The following MCMDC2 variants were observed in gnomAD, a reference collection of about 807,000 sequenced individuals.
MCMDC2 encodes minichromosome maintenance domain-containing protein 2.
Under a neutral mutation model 75.8 loss-of-function variants are expected in MCMDC2, and 54 were observed. The ratio of observed to expected loss-of-function variants is 0.71; its 90% CI spans 0.57 to 0.89. The LOEUF is 0.89. Ranked by LOEUF, MCMDC2 falls within the 40% of genes least tolerant of loss-of-function variation. The pLI is 0.00. For missense variants in MCMDC2, 656 were observed against 780.4 expected (o/e 0.84, Z 1.90); for synonymous variants, 249 against 274.6 (o/e 0.91, Z 0.92).
rs1812079111 is a variant in MCMDC2 at position 66,890,950 on chromosome 8, A to G, written c.1159A>G (p.Lys387Glu). The G allele has an allele frequency of 4.3e-6, 7 of 1,613,890 alleles. No homozygotes were observed. The highest frequency in any genetic ancestry group is 1.3e-5 in the African/African-American group (1 of 75,020). ...AATTTTTCCCACTCTATCCAGGAAT[A>G]AGTATGGAACTGGAGCAGTTAGCAT... Reference protein sequence around the residue: ...TEIFPTLSRNKYGTGAVSIQA... With the variant: ...TEIFPTLSRNEYGTGAVSIQA... Residue 387 changes from lysine to glutamate, a missense_variant, in exon 10 of 15, where the codon AAG becomes GAG. By Grantham distance (56) the Lys-to-Glu change is moderately conservative (BLOSUM62 1). Transcript: ENST00000422365.
At chr8:66,903,288 T>C (rs1812780498) in intron 13 of MCMDC2, among the ~76,000 whole-genome samples, 1 of 152,222 alleles carries the variant, frequency 6.6e-6, no homozygotes, top group Non-Finnish European at 1.5e-5. Context: ...AAGATAAATA[T>C]ACAGTTGGGG....
rs1813551996 is a variant in MCMDC2, at chr8:66,921,929, T to C, written c.*2760T>C. ...TAGTGACTATGAGAATGGAGCTATT[T>C]AGAGTTGATTTAAAAGAAAACACTT... is the stretch of plus-strand genomic sequence containing the variant. On this transcript the variant is annotated 3_prime_UTR_variant, in exon 15 of 15. Coordinates refer to ENST00000422365, the MANE Select transcript of MCMDC2 (RefSeq NM_173518.5). The C allele has an allele frequency of 6.6e-6, 1 of 152,640 alleles. No individual in the cohort carries two copies. The highest frequency in any genetic ancestry group is 2.4e-5 in the African/African-American group (1 of 41,470). The allele number at this position is 152,640 out of a possible 1,614,324, so 9.5% of individuals were successfully genotyped here. A position where few individuals can be genotyped will look rare whatever the true frequency, so the allele number is the denominator to read the frequency against.
chr8:66,904,867 T>C (rs1173719624), intron 13 of MCMDC2, among the ~76,000 whole-genome samples: 1 of 152,146 alleles, frequency 6.6e-6, no homozygotes, highest in Non-Finnish European at 1.5e-5. Context: ...TGCAAATCTA[T>C]GAGGATTTTA....
At chr8:66,890,514 G>A (rs928670394) in intron 9 of MCMDC2, among the ~76,000 whole-genome samples, 5 of 152,064 alleles carry the variant, frequency 3.3e-5, no homozygotes, top group African/African-American at 1.2e-4. Flanking sequence ...TAAGGTCCAA[G>A]TCTCGTATAC....
chr8:66,882,121 A>G (rs1811602969), intron 8 of MCMDC2, among the ~76,000 whole-genome samples: 1 of 152,142 alleles, frequency 6.6e-6, no homozygotes, highest in Non-Finnish European at 1.5e-5. Context: ...TTACCCCCAG[A>G]CCCAGGAATT....
At chr8:66,912,333 T>G (rs1813150694) in intron 14 of MCMDC2, among the ~76,000 whole-genome samples, 1 of 152,228 alleles carries the variant, frequency 6.6e-6, no homozygotes, top group African/African-American at 2.4e-5. Flanking sequence ...GAGAAGTTGC[T>G]TCTTATGGAT....
rs1813542425 is a variant in MCMDC2, at chr8:66,921,757, C to T, written c.*2588C>T. On this transcript the variant is annotated 3_prime_UTR_variant, in exon 15 of 15. Transcript: ENST00000422365. ...AAGATTCAACCACCTGGTACAACAG[C>T]AGGCTCTGAAGGGGAAGCCAGACAG... 1 of 152,212 alleles carries T rather than the reference C, an allele frequency of 6.6e-6. No individual in the cohort carries two copies. The highest frequency in any genetic ancestry group is 1.5e-5 in the Non-Finnish European group (1 of 68,040). 9.4% of individuals were successfully genotyped at this position (152,212 alleles called of 1,614,324 possible).
intron 10 of MCMDC2, among the ~76,000 whole-genome samples, chr8:66,894,423 G>A (rs1195395960): frequency 6.6e-6 from 1 of 152,206 alleles, no homozygotes; most frequent in Non-Finnish European, 1.5e-5. Context: ...CAAATCCATA[G>A]TTCCTTGTCT....
At chr8:66,874,729 T>C in intron 4 of MCMDC2, 143 bp downstream of exon 4, 1 of 711,962 alleles carries the variant, frequency 1.4e-6, no homozygotes, top group East Asian at 2.8e-5. Context: ...CATAGGCATC[T>C]TTATTTCTTG....
At chr8:66,924,684 C>T (rs1175623934), downstream of MCMDC2, among the ~76,000 whole-genome samples, 2 of 152,016 alleles carry the variant, frequency 1.3e-5, no homozygotes, top group African/African-American at 2.4e-5. Context: ...TTCCCAGCCT[C>T]CCAGTTGCTG....
rs1416600535 is a variant in MCMDC2, at chr8:66,920,771, CAAGT to C, written c.*1605_*1608del. ...TCAGCTCCCTGCAGCCTTGACCTTG[CAAGT>C]AATTCTCCCACCTTAGGCCTCCGAG... On this transcript the variant is annotated 3_prime_UTR_variant, in exon 15 of 15. Transcript: ENST00000422365. 1 of 152,202 alleles carries C rather than the reference CAAGT, an allele frequency of 6.6e-6. No homozygotes were observed. Among genetic ancestry groups the C allele is most frequent in the Admixed American group, 6.6e-5 (1 of 15,266 alleles). 9.4% of individuals were successfully genotyped at this position (152,202 alleles called of 1,614,324 possible).
At position 66,920,686 on chromosome 8, in the gene MCMDC2, T is replaced by C. The variant is rs1427626245; in HGVS notation, c.*1517T>C. 6.6e-6 allele frequency: 1 copy of C among 152,082 alleles called. No individual in the cohort carries two copies. Among genetic ancestry groups the C allele is most frequent in the Non-Finnish European group, 1.5e-5 (1 of 68,038 alleles). The allele number at this position is 152,082 out of a possible 1,614,324, so 9.4% of individuals were successfully genotyped here. ...TAGGATCCTTTTACAATTGGAAAGT[T>C]TAAAAACTTTTTTTTTTGGAGACAG... On this transcript the variant is annotated 3_prime_UTR_variant, in exon 15 of 15. Transcript: ENST00000422365.
At chr8:66,891,267 TG>T (rs1302861804) in intron 10 of MCMDC2, among the ~76,000 whole-genome samples, 197 bp downstream of exon 10, 1 of 152,224 alleles carries the variant, frequency 6.6e-6, no homozygotes, top group Non-Finnish European at 1.5e-5. Context: ...TTGCTCTCAG[TG>T]TGCTAACACA....
chr8:66,925,688 G>C (rs1222928252), downstream of MCMDC2: 1 of 152,274 alleles, frequency 6.6e-6, no homozygotes, highest in Non-Finnish European at 1.5e-5. Flanking sequence ...CCGCACCTTA[G>C]CCCTCTTCCC....
At chr8:66,888,896 T>G (rs1430885403) in intron 9 of MCMDC2, among the ~76,000 whole-genome samples, 1 of 152,224 alleles carries the variant, frequency 6.6e-6, no homozygotes, top group Non-Finnish European at 1.5e-5. Context: ...GTTTCTAATT[T>G]AAGTGGTTTG....
intron 14 of MCMDC2, among the ~76,000 whole-genome samples, 149 bp from the exon 15 acceptor site, chr8:66,918,851 CTTA>C (rs1204240591): frequency 1.3e-5 from 2 of 152,106 alleles, no homozygotes; most frequent in Non-Finnish European, 2.9e-5. Flanking sequence ...TAGGTCAGAA[CTTA>C]ATTTTTTGAC....
downstream of MCMDC2, among the ~76,000 whole-genome samples, chr8:66,925,123 C>T (rs573069635): frequency 6.6e-6 from 1 of 152,230 alleles, no homozygotes; most frequent in Non-Finnish European, 1.5e-5. Context: ...CGAAGCCTCC[C>T]GACGGTCCCT....
downstream of MCMDC2, among the ~76,000 whole-genome samples, chr8:66,924,069 C>G (rs1367630623): frequency 6.6e-6 from 1 of 152,044 alleles, no homozygotes; most frequent in South Asian, 2.1e-4. Context: ...TCGGTGGATT[C>G]TTTTGTATTA....
intron 14 of MCMDC2, among the ~76,000 whole-genome samples, chr8:66,906,748 C>T (rs1453353442): frequency 6.6e-6 from 1 of 150,978 alleles, no homozygotes; most frequent in African/African-American, 2.4e-5. Flanking sequence ...TTTTAATTAG[C>T]ATTTCTTTTT....
Sources: allele counts gnomAD v4.1 joint callset (sites outside exome capture counted in the v4.1 genomes callset), GRCh38; gene constraint gnomAD v4.1.1; transcripts MANE v1.5; gene names NCBI Gene and HGNC (gene_info 2026-07-23, HGNC 2026-07-21).